The following HAL variants were observed in gnomAD, a reference collection of about 807,000 sequenced individuals.
HAL encodes the protein histidase.
In HAL, 85 loss-of-function variants were observed where a neutral mutation model predicts 81.1. The ratio of observed to expected loss-of-function variants is 1.05; its 90% CI spans 0.88 to 1.25. The LOEUF (loss-of-function observed/expected upper bound fraction) is 1.25. HAL is among the 50% of genes most tolerant of loss of function. The probability of loss-of-function intolerance (pLI) is 0.00; values close to 1 mark genes in which losing one functional copy is unlikely to be tolerated. For missense variants in HAL, 798 were observed against 836.6 expected (o/e 0.95, Z 0.57); for synonymous variants, 301 against 309.2 (o/e 0.97, Z 0.28).
Position 95,980,644 on chromosome 12 carries a change from G to T in HAL, c.1431C>A (p.Pro477=), listed in dbSNP as rs148670087. Residue 477 remains proline, a synonymous_variant, in exon 17 of 21, where the codon CCC becomes CCA. Transcript: ENST00000261208. ...SERRIERLCN[P]SLSELPAFLV... ...GGAAGGCAGGCAGCTCACTGAGGGA[G>T]GGATTGCAGAGCCGCTCGATTCTTC... 102 of 1,613,926 alleles carry T rather than the reference G, an allele frequency of 6.3e-5. No homozygotes were observed. The highest frequency in any genetic ancestry group is 1.0e-4 in the Admixed American group (6 of 60,034).
chr12:95,977,302 T>C (rs1378433881), intron 18 of HAL, among the ~76,000 whole-genome samples: 1 of 151,974 alleles, frequency 6.6e-6, no homozygotes, highest in Non-Finnish European at 1.5e-5. Context: ...ACTTCATAAA[T>C]TGAATGTGCT....
At chr12:95,976,099 T>C in intron 20 of HAL, 1 of 380,786 alleles carries the variant, frequency 2.6e-6, no homozygotes, top group East Asian at 6.6e-5. Flanking sequence ...GGGAACGCAC[T>C]TTTGAATCAA....
At chr12:95,984,632 A>T (rs772344226) in intron 14 of HAL, among the ~76,000 whole-genome samples, 1 of 152,244 alleles carries the variant, frequency 6.6e-6, no homozygotes, top group African/African-American at 2.4e-5. Context: ...TGGGCAAGAT[A>T]CTTAATTCTG....
intron 17 of HAL, among the ~76,000 whole-genome samples, chr12:95,979,160 T>C (rs991750892): frequency 5.3e-5 from 8 of 152,180 alleles, no homozygotes; most frequent in African/African-American, 1.7e-4. Context: ...CTAAAACATA[T>C]TCAAATGAGG....
At chr12:95,995,250 C>T in intron 2 of HAL, 1 of 586,860 alleles carries the variant, frequency 1.7e-6, no homozygotes, top group Non-Finnish European at 3.0e-6. Context: ...CCATTCCCAG[C>T]TTTATTTTCT....
chr12:95,980,585 A>G lies in HAL; in HGVS notation c.1490T>C (p.Met497Thr). The change falls in exon 17 of 21, where the codon ATG becomes ACG. Residue 497 changes from methionine (M) to threonine (T), a missense_variant. Transcript: ENST00000261208. ...VAEGGLNSGF[M>T]IAHCTAAALV... is the part of the protein sequence containing the mutation. The stretch of plus-strand genomic sequence containing the variant: ...GGCTGCTGCCGTGCAGTGAGCTATC[A>G]TGAACCCAGAGTTCAGACCACCTTC... The G allele has an allele frequency of 6.2e-7, 1 of 1,613,994 alleles. No homozygotes were observed. The highest frequency in any genetic ancestry group is 8.5e-7 in the Non-Finnish European group (1 of 1,180,008).
intron 20 of HAL, among the ~76,000 whole-genome samples, chr12:95,974,599 T>C (rs2136783668): frequency 6.6e-6 from 1 of 152,286 alleles, no homozygotes; most frequent in South Asian, 2.1e-4. Flanking sequence ...AAAGTCATCA[T>C]AAAGATTTTA....
intron 15 of HAL, among the ~76,000 whole-genome samples, chr12:95,981,173 G>C (rs1468377427): frequency 2.6e-5 from 3 of 117,332 alleles, no homozygotes; most frequent in African/African-American, 7.5e-5. Flanking sequence ...GCCCTCAAAA[G>C]GTTTATAGCC....
chr12:95,990,050 A>T (rs958638579), intron 10 of HAL, among the ~76,000 whole-genome samples: 16 of 152,236 alleles, frequency 1.1e-4, no homozygotes, highest in Non-Finnish European at 2.9e-5. Context: ...ATACCACTGC[A>T]CCTGTGAGAC....
intron 15 of HAL, 41 bp downstream of exon 15, chr12:95,983,870 G>T (rs370435728): frequency 9.7e-5 from 98 of 1,011,334 alleles, no homozygotes; most frequent in Non-Finnish European, 4.1e-5. Context: ...ATTACCAGCT[G>T]CAATTCTATA....
At chr12:95,983,589 T>G in intron 15 of HAL, 1 of 395,154 alleles carries the variant, frequency 2.5e-6, no homozygotes, top group East Asian at 5.3e-5. Context: ...CCAACAACCT[T>G]GGCAGTGGGT....
Position 95,995,890 on chromosome 12 carries a change from G to T in HAL, c.21C>A (p.His7Gln), listed in dbSNP as rs1486703072. 2 of 1,605,376 alleles carry T rather than the reference G, an allele frequency of 1.2e-6. No individual in the cohort carries two copies. The highest frequency in any genetic ancestry group is 1.7e-6 in the Non-Finnish European group (2 of 1,179,888). The change falls in exon 2 of 21, where the codon CAC becomes CAA. Residue 7 changes from histidine to glutamine, a missense_variant. By Grantham distance (24) the His-to-Gln change is conservative. Transcript: ENST00000261208. The stretch of plus-strand genomic sequence containing the variant: ...GCACTGCCAGCCATTCCCCACGTAC[G>T]TGCACCGTGTATCTGGGCATGGCTC... MPRYTV[H>Q]VRGEWLAVPC...
chr12:95,982,704 C>G (rs2080808601), intron 15 of HAL, among the ~76,000 whole-genome samples: 1 of 152,174 alleles, frequency 6.6e-6, no homozygotes, highest in Non-Finnish European at 1.5e-5. Flanking sequence ...CATACAAAAG[C>G]CATCTCATGG....
At position 95,986,012 on chromosome 12, in the gene HAL, T is replaced by A. The variant is rs1592844357; in HGVS notation, c.1148-46A>T. The A allele has an allele frequency of 3.2e-6, 5 of 1,584,452 alleles. No individual in the cohort carries two copies. In the East Asian group the frequency reaches 1.1e-4, roughly 35 times the overall value. Reference sequence around the variant, plus strand: ...ATGAGACAGGGATCATGTTACCAATTCTTTTCACAAAACACGTAACCAAAT... The same window carrying A: ...ATGAGACAGGGATCATGTTACCAATACTTTTCACAAAACACGTAACCAAAT... On this transcript the variant is annotated intron_variant, in intron 13 of 20. Coordinates refer to ENST00000261208, the MANE Select transcript of HAL (RefSeq NM_002108.4).
In HAL at chr12:95,976,422, A is replaced by G. The variant is rs764884271; in HGVS notation, c.1833+7T>C. 9 of 1,607,590 alleles carry G rather than the reference A, an allele frequency of 5.6e-6. No homozygotes were observed. Among genetic ancestry groups the G allele is most frequent in the Non-Finnish European group, 7.7e-6 (9 of 1,174,084 alleles). On this transcript the variant is annotated splice_region_variant and intron_variant, in intron 20 of 20. Coordinates refer to ENST00000261208, the MANE Select transcript of HAL (RefSeq NM_002108.4). Reference sequence around the variant, plus strand: ...AAATTAAGAAACAAGCCAAGGAGCCAGCTTGCCTTCTGCTCCAGGAGCAGC... The same window carrying G: ...AAATTAAGAAACAAGCCAAGGAGCCGGCTTGCCTTCTGCTCCAGGAGCAGC...
chr12:95,994,965 G>A lies in HAL; in HGVS notation c.276C>T (p.Asp92=), dbSNP rs151299220. Residue 92 remains aspartate, a synonymous_variant, in exon 3 of 21, where the codon GAC becomes GAT. Transcript: ENST00000261208. ...VVIEGDAMSP[D]FIPSQPEGVY... Reference sequence around the variant, plus strand: ...CTCCTTCTGGTTGAGATGGAATGAAGTCAGGAGACATGGCATCACCCTCTA... The same window carrying A: ...CTCCTTCTGGTTGAGATGGAATGAAATCAGGAGACATGGCATCACCCTCTA... The A allele has an allele frequency of 2.3e-4, 363 of 1,612,502 alleles. No homozygotes were observed. The highest frequency in any genetic ancestry group is 3.0e-4 in the Non-Finnish European group (351 of 1,178,672).
chr12:95,990,250 T>C (rs1361605389), intron 10 of HAL, 143 bp downstream of exon 10: 2 of 763,370 alleles, frequency 2.6e-6, no homozygotes, highest in Non-Finnish European at 4.7e-6. Flanking sequence ...ACTTCTAAGC[T>C]TTCGCTGTCT....
At position 95,990,487 on chromosome 12, in the gene HAL, C is replaced by G; in HGVS notation, c.761G>C (p.Ser254Thr). ...YVPEKGTVGASGDLAPLSHLA... is the reference protein window; with the variant it reads ...YVPEKGTVGATGDLAPLSHLA... ...ATGAGAGAGTGGGGCAAGGTCTCCA[C>G]TGGCACCAACGGTTCCTTTCTCTGG... Residue 254 changes from serine to threonine, a missense_variant, in exon 10 of 21, where the codon AGT (serine) becomes ACT (threonine). Coordinates refer to ENST00000261208, the MANE Select transcript of HAL (RefSeq NM_002108.4). 1 of 1,613,032 alleles carries G rather than the reference C, an allele frequency of 6.2e-7. No individual in the cohort carries two copies.
chr12:95,984,038 A>G (rs1393702758), intron 14 of HAL, 47 bp from the exon 15 acceptor site: 1 of 878,486 alleles, frequency 1.1e-6, no homozygotes, highest in African/African-American at 1.6e-5. Flanking sequence ...GATTACCTGA[A>G]GAGTACCAAT....
Sources: allele counts gnomAD v4.1 joint callset (sites outside exome capture counted in the v4.1 genomes callset), GRCh38; gene constraint gnomAD v4.1.1; transcripts MANE v1.5; gene names NCBI Gene and HGNC (gene_info 2026-07-23, HGNC 2026-07-21).